TFDP2: variants seen among roughly 807,000 people sequenced by gnomAD.
TFDP2 encodes transcription factor Dp-2, also known as transcription factor Dp-2 (E2F dimerization partner 2).
Under a neutral mutation model 59.3 loss-of-function variants are expected in TFDP2, and 17 were observed. The observed-to-expected ratio is 0.29, with a 90% CI of 0.20 to 0.43. The LOEUF is 0.43. TFDP2 is among the 20% of genes least tolerant of loss of function. The pLI is 1.00. For synonymous variants in TFDP2, 180 were observed against 194.7 expected, an observed-to-expected ratio of 0.92 and a Z score of 0.63; for missense variants, 391 against 528.8, an observed-to-expected ratio of 0.74 and a Z score of 2.56.
intron 3 of TFDP2, among the ~76,000 whole-genome samples, chr3:142,033,318 T>C (rs751656800): frequency 1.6e-4 from 24 of 152,268 alleles, no homozygotes; most frequent in African/African-American, 2.4e-4. Context: ...ACTGTAGATA[T>C]AGAACATTTC....
At chr3:142,016,756 G>T (rs564395045) in intron 3 of TFDP2, among the ~76,000 whole-genome samples, 19 of 152,216 alleles carry the variant, frequency 1.2e-4, no homozygotes, top group African/African-American at 3.1e-4. Flanking sequence ...CATTATACTA[G>T]GAAACCCAAC....
chr3:141,968,235 C>T (rs1360659359), intron 9 of TFDP2, among the ~76,000 whole-genome samples: 1 of 134,782 alleles, frequency 7.4e-6, no homozygotes, highest in South Asian at 2.2e-4. Context: ...TCAAACAAAA[C>T]ATTATTATTT....
chr3:142,132,538 G>T (rs1263421334), intron 1 of TFDP2, among the ~76,000 whole-genome samples: 4 of 149,574 alleles, frequency 2.7e-5, no homozygotes. Context: ...GAGGTCAGGA[G>T]ATCAAGACCA....
At chr3:142,133,938 G>A (rs1182661929) in intron 1 of TFDP2, among the ~76,000 whole-genome samples, 1 of 151,828 alleles carries the variant, frequency 6.6e-6, no homozygotes, top group East Asian at 1.9e-4. Context: ...CAACTGTAAG[G>A]CAGAAGAATC....
rs2108768283 is a variant in TFDP2 at position 142,149,254 on chromosome 3, C to T, written c.-164G>A. 2.5e-6 allele frequency: 1 copy of T among 397,260 alleles called. No homozygotes were observed. The highest frequency in any genetic ancestry group is 4.4e-6 in the Non-Finnish European group (1 of 225,092). The allele number at this position is 397,260 out of a possible 1,614,324, so 24.6% of individuals were successfully genotyped here. On this transcript the variant is annotated 5_prime_UTR_variant, in exon 1 of 13. Transcript: ENST00000489671. Reference sequence around the variant, plus strand: ...CGAGCCAGGAGCGCGTCTTCGGGCGCCGCCGCTTCTGTGGCGCCCGCGCTT... The same window carrying T: ...CGAGCCAGGAGCGCGTCTTCGGGCGTCGCCGCTTCTGTGGCGCCCGCGCTT...
intron 1 of TFDP2, among the ~76,000 whole-genome samples, chr3:142,110,081 G>A (rs1046546549): frequency 9.9e-5 from 15 of 151,804 alleles, no homozygotes; most frequent in Admixed American, 7.9e-4. Context: ...ATGGAGTTTC[G>A]CCACATTGCC....
At position 141,951,742 on chromosome 3, in the gene TFDP2, G is replaced by A. The variant is rs1408718417; in HGVS notation, c.*771C>T. On this transcript the variant is annotated 3_prime_UTR_variant, in exon 13 of 13. Coordinates refer to ENST00000489671, the MANE Select transcript of TFDP2 (RefSeq NM_001178139.2). ...CTTCTTTGTAAAACTCCAGATTTAG[G>A]ATGCTGGCAAAGGCAGTGCTGGCAA... 1 of 152,582 alleles carries A rather than the reference G, an allele frequency of 6.6e-6. No homozygotes were observed. Among genetic ancestry groups the A allele is most frequent in the African/African-American group, 2.4e-5 (1 of 41,438 alleles). The allele number at this position is 152,582 out of a possible 1,614,324, so 9.5% of individuals were successfully genotyped here. A position where few individuals can be genotyped will look rare whatever the true frequency, so the allele number is the denominator to read the frequency against.
intron 4 of TFDP2, among the ~76,000 whole-genome samples, chr3:141,999,926 G>A (rs1210078231): frequency 6.6e-6 from 1 of 152,078 alleles, no homozygotes; most frequent in South Asian, 2.1e-4. Flanking sequence ...TAGTAGAGAC[G>A]GGGTTTCACC....
intron 10 of TFDP2, among the ~76,000 whole-genome samples, chr3:141,962,920 T>C (rs896587307): frequency 3.3e-5 from 5 of 152,314 alleles, no homozygotes; most frequent in African/African-American, 1.2e-4. Context: ...CAATAAACTA[T>C]AGGCTGACCT....
At chr3:142,025,383 AT>A (rs1246462428) in intron 3 of TFDP2, among the ~76,000 whole-genome samples, 3 of 152,218 alleles carry the variant, frequency 2.0e-5, no homozygotes, top group Non-Finnish European at 2.9e-5. Context: ...AATTCAACTG[AT>A]TTTGGTCTTC....
At chr3:142,051,546 A>G (rs904015435) in intron 3 of TFDP2, among the ~76,000 whole-genome samples, 4 of 151,858 alleles carry the variant, frequency 2.6e-5, no homozygotes, top group African/African-American at 9.7e-5. Flanking sequence ...CCGTCTCCAG[A>G]TATTGCCAAA....
In TFDP2 at chr3:142,026,421, T is replaced by C. The variant is rs1399713392; in HGVS notation, c.83-20877A>G. ...TTTTAATAATCTGCTTGAATGTTGA[T>C]ATCTTTTCCAGCCTTCTCTCTCCTT... On this transcript the variant is annotated intron_variant, in intron 3 of 12. Coordinates refer to ENST00000489671, the MANE Select transcript of TFDP2 (RefSeq NM_001178139.2). 5.3e-5 allele frequency among the ~76,000 whole-genome samples: 8 copies of C among 152,188 alleles called. No homozygotes were observed. In the East Asian group the frequency reaches 1.5e-3, roughly 29 times the overall value.
intron 9 of TFDP2, among the ~76,000 whole-genome samples, chr3:141,968,454 TC>T (rs1338808219): frequency 4.5e-5 from 4 of 88,482 alleles, no homozygotes; most frequent in Non-Finnish European, 6.3e-5. Flanking sequence ...CATATATATC[TC>T]ATATATAGAT....
chr3:142,055,039 G>A (rs1014648539), intron 3 of TFDP2, among the ~76,000 whole-genome samples: 16 of 152,274 alleles, frequency 1.1e-4, no homozygotes, highest in African/African-American at 3.9e-4. Flanking sequence ...TATTGGAAAA[G>A]TCATCACAGA....
intron 6 of TFDP2, among the ~76,000 whole-genome samples, chr3:141,986,964 T>A (rs1302259068): frequency 6.6e-6 from 1 of 152,238 alleles, no homozygotes; most frequent in Non-Finnish European, 1.5e-5. Context: ...AAAATTCTGT[T>A]CATTTTTATA....
chr3:141,971,335 G>T (rs1939700230), intron 8 of TFDP2, among the ~76,000 whole-genome samples: 2 of 124,492 alleles, frequency 1.6e-5, no homozygotes, highest in South Asian at 4.9e-4. Context: ...GCCTGGCCAA[G>T]AGACCAGCCT....
rs2107798197 is a variant in TFDP2, at chr3:141,946,321, T to C, written c.*6192A>G. The C allele has an allele frequency of 6.6e-6, 1 of 152,352 alleles. No homozygotes were observed. The highest frequency in any genetic ancestry group is 2.1e-4 in the South Asian group (1 of 4,828). The allele number at this position is 152,352 out of a possible 1,614,324, so 9.4% of individuals were successfully genotyped here. On this transcript the variant is annotated 3_prime_UTR_variant, in exon 13 of 13. Coordinates refer to ENST00000489671, the MANE Select transcript of TFDP2 (RefSeq NM_001178139.2). ...CAGCTACGTTGGCCTCCAATGCAGC[T>C]ATAAGCAGTGAAGACCAAAGTCTAA...
chr3:142,026,540 G>C (rs999861181), intron 3 of TFDP2, among the ~76,000 whole-genome samples: 1 of 152,084 alleles, frequency 6.6e-6, no homozygotes, highest in African/African-American at 2.4e-5. Flanking sequence ...AAATTACTAC[G>C]AATTTTCCAG....
At chr3:141,981,563 C>A (rs745526144) in intron 6 of TFDP2, among the ~76,000 whole-genome samples, 1 of 152,068 alleles carries the variant, frequency 6.6e-6, no homozygotes, top group African/African-American at 2.4e-5. Context: ...TGTATGCATC[C>A]CTTGTGATAG....
Sources: allele counts gnomAD v4.1 joint callset (sites outside exome capture counted in the v4.1 genomes callset), GRCh38; gene constraint gnomAD v4.1.1; transcripts MANE v1.5; gene names NCBI Gene and HGNC (gene_info 2026-07-23, HGNC 2026-07-21).